Variants in DCDC2C observed in about 807,000 individuals in gnomAD.
DCDC2C encodes doublecortin domain containing 2C, also known as doublecortin domain-containing protein 2C.
Under a neutral mutation model 45.0 loss-of-function variants are expected in DCDC2C, and 44 were observed. The ratio of observed to expected loss-of-function variants is 0.98; its 90% CI spans 0.77 to 1.26. The LOEUF (loss-of-function observed/expected upper bound fraction) is 1.26. Ranked by LOEUF, DCDC2C falls within the 50% of genes most tolerant of loss-of-function variation. DCDC2C has a pLI of 0.00. For synonymous variants in DCDC2C, 187 were observed against 178.8 expected (o/e 1.05, Z -0.37); for missense variants, 447 against 468.9 (o/e 0.95, Z 0.43).
At chr2:3,796,444 G>T (rs1452289180) in intron 10 of DCDC2C, among the ~76,000 whole-genome samples, 1 of 115,004 alleles carries the variant, frequency 8.7e-6, no homozygotes, top group Non-Finnish European at 1.7e-5. Flanking sequence ...CCTGTCTTGT[G>T]CCAGTTTTCA....
intron 3 of DCDC2C, among the ~76,000 whole-genome samples, chr2:3,736,960 T>C (rs1345020784): frequency 6.6e-6 from 1 of 152,198 alleles, no homozygotes; most frequent in Non-Finnish European, 1.5e-5. Context: ...TATAAGCCTA[T>C]GCAGCAGATA....
chr2:3,797,122 A>G (rs200514469), intron 10 of DCDC2C, among the ~76,000 whole-genome samples: 1 of 152,058 alleles, frequency 6.6e-6, no homozygotes, highest in Non-Finnish European at 1.5e-5. Context: ...CGAGGAATTT[A>G]TCCATTTCTT....
chr2:3,774,493 C>T (rs1670275733), intron 8 of DCDC2C, among the ~76,000 whole-genome samples: 1 of 152,232 alleles, frequency 6.6e-6, no homozygotes. Context: ...CTTGTCTCCT[C>T]ATGATCTCAA....
chr2:3,817,762 T>C (rs1022617921), intron 10 of DCDC2C, among the ~76,000 whole-genome samples: 2 of 152,132 alleles, frequency 1.3e-5, no homozygotes, highest in African/African-American at 4.8e-5. Context: ...TAGGGAGAGC[T>C]AGTGTGGGAG....
intron 3 of DCDC2C, among the ~76,000 whole-genome samples, chr2:3,736,778 T>C (rs1298875918): frequency 6.6e-6 from 1 of 152,234 alleles, no homozygotes; most frequent in Non-Finnish European, 1.5e-5. Flanking sequence ...CGAGAAAGTT[T>C]AAGATTAGAG....
At chr2:3,719,420 C>T (rs1042748190) in intron 2 of DCDC2C, among the ~76,000 whole-genome samples, 5 of 152,208 alleles carry the variant, frequency 3.3e-5, no homozygotes, top group Non-Finnish European at 7.3e-5. Flanking sequence ...TTTCCCGCTG[C>T]CTCCCAAGCC....
intron 10 of DCDC2C, among the ~76,000 whole-genome samples, chr2:3,824,260 ATGT>A (rs58815435): frequency 0.21 from 31,623 of 152,066 alleles, 3,743 homozygotes; most frequent in African/African-American, 0.33. Context: ...TTGATATCAT[ATGT>A]AGCAGGGATT....
At chr2:3,814,713 T>A (rs188289057) in intron 10 of DCDC2C, among the ~76,000 whole-genome samples, 36 of 152,348 alleles carry the variant, frequency 2.4e-4, no homozygotes, top group Non-Finnish European at 4.9e-4. Flanking sequence ...CATTAGGGGA[T>A]CTGGCTTTTG....
At chr2:3,813,392 G>A (rs1383073468) in intron 10 of DCDC2C, among the ~76,000 whole-genome samples, 2 of 152,044 alleles carry the variant, frequency 1.3e-5, no homozygotes, top group East Asian at 1.9e-4. Flanking sequence ...TGTTGATTTG[G>A]GGTAGAGTGT....
At chr2:3,770,821 C>G (rs78213069) in intron 8 of DCDC2C, among the ~76,000 whole-genome samples, 15,417 of 152,234 alleles carry the variant, frequency 0.1, 1,061 homozygotes, top group East Asian at 0.3. Flanking sequence ...GCCGGTGATT[C>G]TGATTTCCAT....
chr2:3,825,820 C>G (rs968791050), intron 10 of DCDC2C, among the ~76,000 whole-genome samples: 2 of 152,128 alleles, frequency 1.3e-5, no homozygotes, highest in African/African-American at 2.4e-5. Flanking sequence ...TAGGGTTAGC[C>G]CGGCTCTCGT....
chr2:3,776,141 T>C (rs1265604725), intron 8 of DCDC2C, among the ~76,000 whole-genome samples: 1 of 152,220 alleles, frequency 6.6e-6, no homozygotes, highest in Non-Finnish European at 1.5e-5. Context: ...CTCAGGACTG[T>C]GTGTCATCAA....
At chr2:3,820,918 G>C (rs527734340) in intron 10 of DCDC2C, among the ~76,000 whole-genome samples, 12 of 152,308 alleles carry the variant, frequency 7.9e-5, no homozygotes, top group Admixed American at 2.6e-4. Context: ...GTCTCCAGAA[G>C]GAGTCCTCCT....
chr2:3,810,870 G>T (rs1329768651), intron 10 of DCDC2C, among the ~76,000 whole-genome samples: 1 of 152,170 alleles, frequency 6.6e-6, no homozygotes, highest in African/African-American at 2.4e-5. Context: ...TGTTGGGTTT[G>T]TTGAAGATCA....
At chr2:3,735,814 AT>A (rs142534700) in intron 3 of DCDC2C, among the ~76,000 whole-genome samples, 2,851 of 145,224 alleles carry the variant, frequency 0.02, 77 homozygotes, top group African/African-American at 0.064. Flanking sequence ...GGGTTTGACC[AT>A]TTTTTTTTTT....
intron 8 of DCDC2C, among the ~76,000 whole-genome samples, chr2:3,770,059 G>A (rs1670122354): frequency 6.6e-6 from 1 of 152,210 alleles, no homozygotes. Flanking sequence ...GCGCACCTGA[G>A]TGAGTCTCCA....
chr2:3,799,269 C>A (rs1671044952), intron 10 of DCDC2C, among the ~76,000 whole-genome samples: 1 of 152,164 alleles, frequency 6.6e-6, no homozygotes, highest in Non-Finnish European at 1.5e-5. Context: ...GTTATACATT[C>A]TTCTAAATTT....
intron 4 of DCDC2C, 144 bp from the exon 5 acceptor site, chr2:3,752,619 C>A: frequency 1.0e-6 from 1 of 981,236 alleles, no homozygotes; most frequent in Admixed American, 2.0e-5. Context: ...TTAATTGGCC[C>A]GTTTGGATAA....
intron 6 of DCDC2C, among the ~76,000 whole-genome samples, chr2:3,764,265 G>C (rs1441551532): frequency 6.6e-6 from 1 of 152,242 alleles, no homozygotes; most frequent in African/African-American, 2.4e-5. Flanking sequence ...GATTCAATTT[G>C]TAAGGTCCTC....
Sources: allele counts gnomAD v4.1 joint callset (sites outside exome capture counted in the v4.1 genomes callset), GRCh38; gene constraint gnomAD v4.1.1; transcripts MANE v1.5; gene names NCBI Gene and HGNC (gene_info 2026-07-23, HGNC 2026-07-21).